UBN2: variants seen among roughly 807,000 people sequenced by gnomAD.
UBN2 encodes ubinuclein-2.
A neutral mutation model predicts 120.2 loss-of-function variants in UBN2; 35 were observed. The observed-to-expected ratio is 0.29, with a 90% CI of 0.22 to 0.39. UBN2 has a LOEUF of 0.39. Among genes scored for constraint, UBN2 ranks in the 10% least tolerant of loss-of-function variants. UBN2 has a pLI of 1.00. For missense variants in UBN2, 1,693 were observed against 1,663.2 expected (o/e 1.02, Z -0.31); for synonymous variants, 661 against 648.7 (o/e 1.02, Z -0.29).
In UBN2 at chr7:139,306,031, T is replaced by A. The variant is rs1415507988; in HGVS notation, c.*8195T>A. 3 of 152,220 alleles carry A rather than the reference T, an allele frequency of 2.0e-5. No homozygotes were observed. The highest frequency in any genetic ancestry group is 4.4e-5 in the Non-Finnish European group (3 of 68,050). 9.4% of individuals were successfully genotyped at this position (152,220 alleles called of 1,614,324 possible). On this transcript the variant is annotated 3_prime_UTR_variant, in exon 18 of 18. Coordinates refer to ENST00000473989, the MANE Select transcript of UBN2 (RefSeq NM_173569.4). ...ACTTTGCTAATAATAATATAATGAT[T>A]TTATTGTAAATCTGTGTTTTAAATA...
At chr7:139,278,123 C>T (rs1797498228) in intron 12 of UBN2, among the ~76,000 whole-genome samples, 1 of 151,484 alleles carries the variant, frequency 6.6e-6, no homozygotes, top group African/African-American at 2.4e-5. Flanking sequence ...ACAAATAATG[C>T]ATTCCTTTAA....
At position 139,252,218 on chromosome 7, in the gene UBN2, A is replaced by G. The variant is rs1201928614; in HGVS notation, c.663+161A>G. Among the ~76,000 whole-genome samples the G allele has an allele frequency of 6.8e-5, 10 of 147,092 alleles. No individual in the cohort carries two copies. In the East Asian group the frequency reaches 1.8e-3, roughly 26 times the overall value. ...TTTCTTTACCCTTTTTTTTTTTTTT[A>G]AAGAATACTGCAGACTGAGAATTTT... On this transcript the variant is annotated intron_variant, in intron 3 of 17. Transcript: ENST00000473989.
chr7:139,233,057 A>G (rs551139547), intron 1 of UBN2, among the ~76,000 whole-genome samples: 21 of 152,330 alleles, frequency 1.4e-4, no homozygotes, highest in African/African-American at 4.8e-4. Context: ...TTCATCTTCA[A>G]CTACCTTTAT....
chr7:139,321,494 C>T, the UBN2 span, among the ~76,000 whole-genome samples: 1 of 152,198 alleles, frequency 6.6e-6, no homozygotes. Flanking sequence ...GGTTTGCACT[C>T]TCAGAGTTCC....
At chr7:139,308,801 G>C (rs778460245), downstream of UBN2, among the ~76,000 whole-genome samples, 59 of 152,230 alleles carry the variant, frequency 3.9e-4, no homozygotes, top group Non-Finnish European at 6.6e-4. Context: ...GCCGGGCGTG[G>C]TGGCTCACGC....
chr7:139,318,335 G>A, the UBN2 span, among the ~76,000 whole-genome samples: 1 of 152,288 alleles, frequency 6.6e-6, no homozygotes, highest in East Asian at 1.9e-4. Context: ...CAAACTTCCA[G>A]GCACCTGAGT....
At chr7:139,267,102 T>G (rs1183650566) in intron 7 of UBN2, among the ~76,000 whole-genome samples, 1 of 152,180 alleles carries the variant, frequency 6.6e-6, no homozygotes, top group Admixed American at 6.5e-5. Flanking sequence ...TAACCATTGT[T>G]TACAAGAATC....
rs1796888165 is a variant in UBN2, at chr7:139,260,191, T to A, written c.905+821T>A. ...ATGGCTCACTGCAGCCTCAACCTCCTGGGATCAAGGGATCCTCCTGCCTCA... is the reference window on the plus strand; with the variant it reads ...ATGGCTCACTGCAGCCTCAACCTCCAGGGATCAAGGGATCCTCCTGCCTCA... On this transcript the variant is annotated intron_variant, in intron 5 of 17. Transcript: ENST00000473989. Among the ~76,000 whole-genome samples the A allele has an allele frequency of 5.3e-5, 8 of 152,086 alleles. No homozygotes were observed. In the South Asian group the frequency reaches 1.7e-3, roughly 32 times the overall value.
Position 139,261,296 on chromosome 7 carries a change from G to T in UBN2, c.950G>T (p.Arg317Leu). The change falls in exon 6 of 18, where the codon CGT (arginine) becomes CTT (leucine). Residue 317 changes from arginine (R) to leucine (L), a missense_variant. Arg to Leu is a moderately radical substitution (Grantham distance 102). Coordinates refer to ENST00000473989, the MANE Select transcript of UBN2 (RefSeq NM_173569.4). ...CACAAGTCTGAAAAAAAGAAGAAAC[G>T]TTATAAAGATTCTCTTTCTCTAGCT... ...NSHKSEKKKK[R>L]YKDSLSLAAM... The T allele has an allele frequency of 4.3e-6, 7 of 1,612,268 alleles. No homozygotes were observed. The highest frequency in any genetic ancestry group is 5.9e-6 in the Non-Finnish European group (7 of 1,179,562).
intron 8 of UBN2, among the ~76,000 whole-genome samples, chr7:139,271,584 CAA>C (rs1367288138): frequency 2.0e-4 from 17 of 85,218 alleles, no homozygotes; most frequent in Non-Finnish European, 1.5e-4. Context: ...ACTCTGTCTC[CAA>C]AAAAAAAAAA....
intron 2 of UBN2, among the ~76,000 whole-genome samples, chr7:139,239,391 T>A (rs535604086): frequency 6.6e-6 from 1 of 152,256 alleles, no homozygotes; most frequent in South Asian, 2.1e-4. Context: ...AGTGCTGCAG[T>A]AAATTAGTCT....
At chr7:139,308,793 C>T (rs1473857003), downstream of UBN2, among the ~76,000 whole-genome samples, 7 of 152,106 alleles carry the variant, frequency 4.6e-5, no homozygotes, top group Non-Finnish European at 5.9e-5. Flanking sequence ...GGTAAGAGGC[C>T]GGGCGTGGTG....
chr7:139,322,733 C>T, the UBN2 span, among the ~76,000 whole-genome samples: 1 of 151,352 alleles, frequency 6.6e-6, no homozygotes. Flanking sequence ...GGGGTGTCAC[C>T]ATGTTGACCA....
At chr7:139,316,786 T>C in the UBN2 span, among the ~76,000 whole-genome samples, 1 of 152,148 alleles carries the variant, frequency 6.6e-6, no homozygotes. Context: ...TGTGTATATA[T>C]ATATAATTTC....
At chr7:139,262,860 T>C (rs1796981979) in intron 6 of UBN2, among the ~76,000 whole-genome samples, 1 of 152,186 alleles carries the variant, frequency 6.6e-6, no homozygotes, top group Admixed American at 6.5e-5. Context: ...TGTGGCCCCA[T>C]CTCTACAATC....
At chr7:139,286,469 G>T (rs1014980952) in intron 15 of UBN2, among the ~76,000 whole-genome samples, 1 of 152,042 alleles carries the variant, frequency 6.6e-6, no homozygotes, top group Non-Finnish European at 1.5e-5. Context: ...TTATGTTAAT[G>T]ATTTAGTTTC....
chr7:139,273,046 CTG>C (rs1447771698), intron 9 of UBN2, among the ~76,000 whole-genome samples: 1 of 152,342 alleles, frequency 6.6e-6, no homozygotes, highest in South Asian at 2.1e-4. Flanking sequence ...GCTTGACTGA[CTG>C]TGGTTGAACA....
intron 17 of UBN2, among the ~76,000 whole-genome samples, chr7:139,295,354 A>G (rs1336094806): frequency 6.6e-6 from 1 of 152,110 alleles, no homozygotes; most frequent in Non-Finnish European, 1.5e-5. Context: ...AAATATCTAA[A>G]GAGAATTTCC....
chr7:139,316,930 T>A, the UBN2 span, among the ~76,000 whole-genome samples: 2 of 151,802 alleles, frequency 1.3e-5, no homozygotes, highest in Admixed American at 6.6e-5. Context: ...TCGATGTTCC[T>A]AAATTTCTTT....
Sources: allele counts gnomAD v4.1 joint callset (sites outside exome capture counted in the v4.1 genomes callset), GRCh38; gene constraint gnomAD v4.1.1; transcripts MANE v1.5; gene names NCBI Gene and HGNC (gene_info 2026-07-23, HGNC 2026-07-21).